Variants in HDAC9 observed in about 807,000 individuals in gnomAD.
HDAC9 encodes the protein histone deacetylase 9.
HDAC9 carries 41 observed loss-of-function variants against 139.4 expected under a neutral mutation model. The observed-to-expected ratio is 0.29, with a 90% CI of 0.23 to 0.38. HDAC9 has a LOEUF of 0.38. Ranked by LOEUF, HDAC9 falls within the 10% of genes least tolerant of loss-of-function variation. The pLI, the probability that HDAC9 is intolerant of heterozygous loss-of-function variation, is 1.00. For missense variants in HDAC9, 1,147 were observed against 1,297.0 expected (o/e 0.88, Z 1.78); for synonymous variants, 517 against 476.2 (o/e 1.09, Z -1.12).
intron 1 of HDAC9, among the ~76,000 whole-genome samples, chr7:18,112,330 G>C (rs1015419770): frequency 2.6e-5 from 4 of 152,178 alleles, no homozygotes; most frequent in African/African-American, 9.7e-5. Flanking sequence ...CTAGACCTGA[G>C]AAAGTGATAG....
intron 1 of HDAC9, among the ~76,000 whole-genome samples, chr7:18,121,827 A>G (rs1413080725): frequency 9.3e-6 from 1 of 107,174 alleles, no homozygotes; most frequent in Non-Finnish European, 2.3e-5. Flanking sequence ...ATTTATTTTT[A>G]GATAAAAAAG....
chr7:18,166,673 A>G lies in HDAC9; in HGVS notation c.25+4324A>G, dbSNP rs115150936. Among the ~76,000 whole-genome samples, 881 of 152,320 alleles carry G rather than the reference A, an allele frequency of 5.8e-3. 9 individuals are homozygous for G. Among genetic ancestry groups the G allele is most frequent in the African/African-American group, 0.02 (830 of 41,568 alleles). ...CATGGTTCAATTAATACAGCACAAC[A>G]TCAGGTTTTTTAGAAGCATATGGGA... On this transcript the variant is annotated intron_variant, in intron 2 of 12. Coordinates refer to the HDAC9 transcript ENST00000417496.
At chr7:18,228,820 A>G (rs890706988) in intron 2 of HDAC9, among the ~76,000 whole-genome samples, 1 of 152,154 alleles carries the variant, frequency 6.6e-6, no homozygotes, top group Non-Finnish European at 1.5e-5. Flanking sequence ...CAGCCTTCCA[A>G]ACTAGCCTGT....
chr7:18,646,087 T>C (rs1052913809), intron 9 of HDAC9, among the ~76,000 whole-genome samples: 7 of 152,290 alleles, frequency 4.6e-5, no homozygotes, highest in African/African-American at 1.7e-4. Flanking sequence ...GGAATGAAAC[T>C]AAAAATAAAT....
At chr7:18,932,692 C>A (rs1804851331) in intron 22 of HDAC9, among the ~76,000 whole-genome samples, 1 of 151,582 alleles carries the variant, frequency 6.6e-6, no homozygotes, top group South Asian at 2.1e-4. Context: ...AGAAAATACT[C>A]CTAAATAAAA....
intron 8 of HDAC9, among the ~76,000 whole-genome samples, chr7:18,642,799 T>G (rs991937923): frequency 1.3e-5 from 2 of 152,066 alleles, no homozygotes; most frequent in Non-Finnish European, 2.9e-5. Flanking sequence ...AGTTTAAGTC[T>G]GGTTCCTGTG....
At chr7:18,946,887 T>A (rs1196100999) in intron 23 of HDAC9, among the ~76,000 whole-genome samples, 1 of 152,032 alleles carries the variant, frequency 6.6e-6, no homozygotes, top group Admixed American at 6.5e-5. Context: ...TTCTTAACAT[T>A]TTTAAAAATA....
At chr7:18,743,812 G>T (rs567497435) in intron 13 of HDAC9, among the ~76,000 whole-genome samples, 58 of 152,064 alleles carry the variant, frequency 3.8e-4, no homozygotes, top group Non-Finnish European at 5.7e-4. Context: ...CTATGCATGA[G>T]ATTTGACGGT....
intron 2 of HDAC9, among the ~76,000 whole-genome samples, chr7:18,581,860 C>T (rs150976848): frequency 1.1e-4 from 17 of 152,196 alleles, no homozygotes; most frequent in African/African-American, 4.8e-5. Flanking sequence ...TGATTAATTT[C>T]TTTCCTTTCA....
intron 2 of HDAC9, among the ~76,000 whole-genome samples, chr7:18,574,731 G>A (rs1480924847): frequency 6.6e-6 from 1 of 152,272 alleles, no homozygotes; most frequent in African/African-American, 2.4e-5. Context: ...GCGTGTCAGT[G>A]CTGCCCTGAG....
chr7:18,457,571 G>A (rs1793454114), intron 1 of HDAC9, among the ~76,000 whole-genome samples: 1 of 152,042 alleles, frequency 6.6e-6, no homozygotes, highest in African/African-American at 2.4e-5. Flanking sequence ...CCCCTGTGCA[G>A]CTGACCCATT....
At chr7:18,528,146 A>C (rs1807554341) in intron 2 of HDAC9, among the ~76,000 whole-genome samples, 1 of 151,988 alleles carries the variant, frequency 6.6e-6, no homozygotes, top group Non-Finnish European at 1.5e-5. Flanking sequence ...CGAAAATAAA[A>C]ATAAAAATAA....
At chr7:18,637,881 G>C (rs1488987181) in intron 8 of HDAC9, among the ~76,000 whole-genome samples, 1 of 151,726 alleles carries the variant, frequency 6.6e-6, no homozygotes, top group Non-Finnish European at 1.5e-5. Context: ...TAATATCCTA[G>C]CTTTTTAGCA....
intron 1 of HDAC9, among the ~76,000 whole-genome samples, chr7:18,143,528 A>G (rs962887130): frequency 6.6e-6 from 1 of 152,166 alleles, no homozygotes; most frequent in Non-Finnish European, 1.5e-5. Context: ...ATAAATTCAT[A>G]GAGAGTGAGT....
intron 1 of HDAC9, among the ~76,000 whole-genome samples, chr7:18,423,639 C>T (rs1213839836): frequency 6.6e-6 from 1 of 152,234 alleles, no homozygotes; most frequent in Non-Finnish European, 1.5e-5. Context: ...CTTGGGCTGA[C>T]AGGCCTAAGG....
intron 2 of HDAC9, among the ~76,000 whole-genome samples, chr7:18,237,685 A>T (rs750382997): frequency 6.6e-6 from 1 of 152,230 alleles, no homozygotes; most frequent in Non-Finnish European, 1.5e-5. Context: ...GAATGATGAC[A>T]TTATTAATGA....
At chr7:18,354,523 C>A (rs557907069) in intron 1 of HDAC9, among the ~76,000 whole-genome samples, 10 of 152,160 alleles carry the variant, frequency 6.6e-5, no homozygotes, top group African/African-American at 2.4e-4. Context: ...AGTCAGCAGG[C>A]CTTGTTATAT....
At chr7:18,603,052 A>T (rs1834423623) in intron 6 of HDAC9, among the ~76,000 whole-genome samples, 1 of 152,124 alleles carries the variant, frequency 6.6e-6, no homozygotes, top group African/African-American at 2.4e-5. Context: ...ATATGTAACA[A>T]ACACCACTTT....
intron 2 of HDAC9, among the ~76,000 whole-genome samples, chr7:18,173,769 G>A (rs966189554): frequency 2.0e-5 from 3 of 152,082 alleles, no homozygotes; most frequent in Admixed American, 6.6e-5. Context: ...TTGAATTTTG[G>A]CCCCCACTCT....
Sources: gnomAD v4.1 joint callset for allele counts (sites outside exome capture counted in the v4.1 genomes callset) on GRCh38, gnomAD v4.1.1 for gene constraint, MANE v1.5 for transcripts, NCBI Gene and HGNC (gene_info 2026-07-23, HGNC 2026-07-21) for gene names.